Variants in STAC observed in about 807,000 individuals in gnomAD.
The protein encoded by STAC is SH3 and cysteine rich domain, also known as SH3 and cysteine-rich domain-containing protein.
In STAC, 43 loss-of-function variants were observed where a neutral mutation model predicts 48.8. That is an observed-to-expected ratio of 0.88 (90% CI 0.69 to 1.14). The LOEUF (loss-of-function observed/expected upper bound fraction) is 1.14, where lower values mean the gene tolerates loss of function less well. Ranked by LOEUF, STAC falls within the 50% of genes most tolerant of loss-of-function variation. The pLI is 0.00. For synonymous variants in STAC, 193 were observed against 179.5 expected (o/e 1.07, Z -0.60); for missense variants, 497 against 504.0 (o/e 0.99, Z 0.13).
At chr3:36,507,571 A>G (rs1311020384) in intron 8 of STAC, among the ~76,000 whole-genome samples, 1 of 152,150 alleles carries the variant, frequency 6.6e-6, no homozygotes, top group Non-Finnish European at 1.5e-5. Context: ...TTGATAGCCC[A>G]TTAATTATTA....
intron 1 of STAC, among the ~76,000 whole-genome samples, chr3:36,433,326 C>T (rs1425452115): frequency 1.3e-5 from 2 of 152,162 alleles, no homozygotes; most frequent in African/African-American, 4.8e-5. Flanking sequence ...AGAAATAATA[C>T]TGGACAGGTG....
At chr3:36,459,801 ATAAC>A (rs1333594066) in intron 2 of STAC, among the ~76,000 whole-genome samples, 1 of 152,180 alleles carries the variant, frequency 6.6e-6, no homozygotes. Flanking sequence ...GAGGGGGAGA[ATAAC>A]TAAGTAAAGG....
At chr3:36,505,677 TTTTC>T (rs1698385784) in intron 7 of STAC, 65 bp from the exon 8 acceptor site, 2 of 1,073,062 alleles carry the variant, frequency 1.9e-6, no homozygotes, top group Non-Finnish European at 2.8e-6. Context: ...CCATTTCCTG[TTTTC>T]TTTCTTTCCT....
At chr3:36,410,875 C>A (rs1700179520) in intron 1 of STAC, among the ~76,000 whole-genome samples, 1 of 152,308 alleles carries the variant, frequency 6.6e-6, no homozygotes, top group East Asian at 1.9e-4. Flanking sequence ...CTGGCTCATA[C>A]AATCAGTTTG....
intron 8 of STAC, among the ~76,000 whole-genome samples, chr3:36,524,842 C>T (rs1445193869): frequency 6.6e-6 from 1 of 151,946 alleles, no homozygotes; most frequent in Non-Finnish European, 1.5e-5. Context: ...AGAGTTACTA[C>T]CTTGGATTCA....
At chr3:36,400,916 T>C (rs1473320113) in intron 1 of STAC, among the ~76,000 whole-genome samples, 3 of 152,198 alleles carry the variant, frequency 2.0e-5, no homozygotes, top group Non-Finnish European at 2.9e-5. Flanking sequence ...ACTCCATGGA[T>C]GGCCAGAATT....
chr3:36,511,942 A>G (rs1445468093), intron 8 of STAC, among the ~76,000 whole-genome samples: 1 of 152,200 alleles, frequency 6.6e-6, no homozygotes, highest in Non-Finnish European at 1.5e-5. Context: ...TATAATATCT[A>G]GCAAGACATC....
At chr3:36,486,886 G>A (rs1475279873) in intron 5 of STAC, among the ~76,000 whole-genome samples, 2 of 152,224 alleles carry the variant, frequency 1.3e-5, no homozygotes. Context: ...GCTCCAAGAT[G>A]CCATACAACT....
intron 1 of STAC, among the ~76,000 whole-genome samples, chr3:36,405,997 A>G (rs1162646535): frequency 1.3e-5 from 2 of 152,214 alleles, no homozygotes; most frequent in Non-Finnish European, 2.9e-5. Context: ...TTCTGGGATT[A>G]TACGCATGAG....
intron 1 of STAC, among the ~76,000 whole-genome samples, chr3:36,401,363 T>C (rs1341692634): frequency 6.6e-6 from 1 of 152,228 alleles, no homozygotes; most frequent in East Asian, 1.9e-4. Context: ...AAAATGCTCA[T>C]TCTTTTAAAA....
At chr3:36,537,810 T>C (rs1699233315) in intron 10 of STAC, among the ~76,000 whole-genome samples, 1 of 152,122 alleles carries the variant, frequency 6.6e-6, no homozygotes, top group Admixed American at 6.6e-5. Context: ...TGAATATTTA[T>C]GTGGAATTCA....
At position 36,397,798 on chromosome 3, in the gene STAC, G is replaced by T. The variant is rs1699884166; in HGVS notation, c.111+17044G>T. Among the ~76,000 whole-genome samples, 3 of 152,158 alleles carry T rather than the reference G, an allele frequency of 2.0e-5. No individual in the cohort carries two copies. The East Asian group carries it at 5.8e-4, about 29-fold the overall frequency. ...GGATTTTATGAGCTTGTCTGAAAAA[G>T]CAATATAAGTTGTTTCATATGTTAT... On this transcript the variant is annotated intron_variant, in intron 1 of 10. Transcript: ENST00000273183.
chr3:36,497,549 G>C (rs1468669640), intron 6 of STAC, among the ~76,000 whole-genome samples: 3 of 152,102 alleles, frequency 2.0e-5, no homozygotes, highest in African/African-American at 4.8e-5. Flanking sequence ...CAATAAAATG[G>C]GGAGTGGCCA....
chr3:36,528,237 G>A (rs903386737), intron 8 of STAC, among the ~76,000 whole-genome samples: 7 of 152,108 alleles, frequency 4.6e-5, no homozygotes, highest in Admixed American at 6.5e-5. Context: ...TTGGGAAGCC[G>A]AGGCGGGCAG....
intron 8 of STAC, among the ~76,000 whole-genome samples, chr3:36,528,395 C>T (rs559951167): frequency 4.6e-5 from 7 of 150,712 alleles, no homozygotes; most frequent in African/African-American, 1.5e-4. Flanking sequence ...CTTGAACCAG[C>T]GAGTCAGAGG....
chr3:36,398,325 A>AAGAG, intron 1 of STAC, among the ~76,000 whole-genome samples: 1 of 96,184 alleles, frequency 1.0e-5, no homozygotes, highest in South Asian at 3.1e-4. Flanking sequence ...GAAAGCAAGA[A>AAGAG]AGAAAGAAAG....
intron 8 of STAC, among the ~76,000 whole-genome samples, chr3:36,509,077 G>A (rs1025952612): frequency 6.6e-6 from 1 of 152,124 alleles, no homozygotes; most frequent in Non-Finnish European, 1.5e-5. Context: ...TCCATATTTA[G>A]TGTTTCCTTC....
chr3:36,382,203 T>C (rs1219334718), intron 1 of STAC, among the ~76,000 whole-genome samples: 2 of 152,190 alleles, frequency 1.3e-5, no homozygotes, highest in Admixed American at 6.5e-5. Context: ...CAGAGTGATA[T>C]AGGTTAGTGG....
At chr3:36,536,654 T>C (rs188778416) in intron 10 of STAC, among the ~76,000 whole-genome samples, 1 of 151,826 alleles carries the variant, frequency 6.6e-6, no homozygotes, top group East Asian at 1.9e-4. Flanking sequence ...CAAAAGCAAT[T>C]GCAACAAAAG....
Sources: gnomAD v4.1 joint callset for allele counts (sites outside exome capture counted in the v4.1 genomes callset) on GRCh38, gnomAD v4.1.1 for gene constraint, MANE v1.5 for transcripts, NCBI Gene and HGNC (gene_info 2026-07-23, HGNC 2026-07-21) for gene names.